The following GPATCH2 variants were observed in gnomAD, a reference collection of about 807,000 sequenced individuals.
The protein encoded by GPATCH2 is G-patch domain containing 2, also known as G patch domain-containing protein 2.
In GPATCH2, 51 loss-of-function variants were observed where a neutral mutation model predicts 58.0. That is an observed-to-expected ratio of 0.88 (90% CI 0.70 to 1.11). The LOEUF is 1.11. Among genes scored for constraint, GPATCH2 ranks in the 50% most tolerant of loss-of-function variants. The probability of loss-of-function intolerance (pLI) is 0.00; values close to 1 mark genes in which losing one functional copy is unlikely to be tolerated. For synonymous variants in GPATCH2, 222 were observed against 218.5 expected (o/e 1.02, Z -0.14); for missense variants, 625 against 652.2 (o/e 0.96, Z 0.45).
intron 5 of GPATCH2, among the ~76,000 whole-genome samples, chr1:217,604,708 C>T (rs1003488933): frequency 6.6e-6 from 1 of 152,084 alleles, no homozygotes; most frequent in African/African-American, 2.4e-5. Context: ...ATCAAGCGCC[C>T]TTATGTAAAT....
intron 7 of GPATCH2, chr1:217,492,437 T>G (rs746841170): frequency 6.6e-6 from 1 of 152,206 alleles, no homozygotes; most frequent in Non-Finnish European, 1.5e-5. Flanking sequence ...ATGTGCTCAC[T>G]CAAACTCTAG....
At chr1:217,590,547 T>C (rs1304383410) in intron 5 of GPATCH2, among the ~76,000 whole-genome samples, 3 of 152,226 alleles carry the variant, frequency 2.0e-5, no homozygotes, top group Non-Finnish European at 4.4e-5. Flanking sequence ...ATAGGGAAGA[T>C]GATATACACA....
intron 5 of GPATCH2, among the ~76,000 whole-genome samples, chr1:217,590,746 G>A (rs1272786538): frequency 2.0e-5 from 3 of 152,062 alleles, no homozygotes; most frequent in East Asian, 3.9e-4. Context: ...TTTGAACTTC[G>A]GACTCCTGAG....
intron 9 of GPATCH2, among the ~76,000 whole-genome samples, chr1:217,438,887 C>T (rs1010854988): frequency 3.0e-4 from 45 of 152,118 alleles, no homozygotes; most frequent in Non-Finnish European, 5.9e-4. Flanking sequence ...TCTTAGAGAC[C>T]TACAAAGAGA....
chr1:217,626,757 A>G (rs1424521578), intron 1 of GPATCH2, among the ~76,000 whole-genome samples: 1 of 152,138 alleles, frequency 6.6e-6, no homozygotes, highest in Admixed American at 6.6e-5. Flanking sequence ...GGCAGGCATT[A>G]TCTTAGGAAA....
chr1:217,543,659 T>A (rs188723982), intron 5 of GPATCH2, among the ~76,000 whole-genome samples: 39 of 152,302 alleles, frequency 2.6e-4, no homozygotes, highest in African/African-American at 8.7e-4. Context: ...TGAGAATAAT[T>A]AAGATGTTAC....
intron 5 of GPATCH2, among the ~76,000 whole-genome samples, chr1:217,576,008 T>C (rs1216191735): frequency 6.6e-6 from 1 of 152,148 alleles, no homozygotes; most frequent in Non-Finnish European, 1.5e-5. Flanking sequence ...AGTTGGTAGA[T>C]ATGTATTAAT....
chr1:217,518,761 T>G (rs1663305788), intron 5 of GPATCH2, among the ~76,000 whole-genome samples: 1 of 152,264 alleles, frequency 6.6e-6, no homozygotes, highest in African/African-American at 2.4e-5. Context: ...CCCTCTAGTA[T>G]AGCTGGTCCC....
At chr1:217,596,822 TTCTG>T (rs1292614012) in intron 5 of GPATCH2, among the ~76,000 whole-genome samples, 3 of 152,148 alleles carry the variant, frequency 2.0e-5, no homozygotes, top group South Asian at 2.1e-4. Context: ...ACTGGATACT[TTCTG>T]TCTATCTGAA....
chr1:217,495,797 C>T (rs10495059), intron 7 of GPATCH2, among the ~76,000 whole-genome samples: 16,263 of 152,040 alleles, frequency 0.11, 1,796 homozygotes, highest in African/African-American at 0.28. Context: ...ATAGAGAGTC[C>T]TCAATAGATA....
At chr1:217,615,469 T>C (rs1668840135) in intron 2 of GPATCH2, among the ~76,000 whole-genome samples, 1 of 152,112 alleles carries the variant, frequency 6.6e-6, no homozygotes, top group African/African-American at 2.4e-5. Context: ...TGCTCTTCTA[T>C]GCACTATAAT....
intron 8 of GPATCH2, among the ~76,000 whole-genome samples, chr1:217,467,033 T>C (rs1287433028): frequency 3.9e-5 from 6 of 151,996 alleles, no homozygotes; most frequent in African/African-American, 1.4e-4. Flanking sequence ...ATTAGCTACG[T>C]GTGGTGGCAC....
At chr1:217,618,221 C>CTTTTT (rs34863823) in intron 2 of GPATCH2, among the ~76,000 whole-genome samples, 1 of 124,762 alleles carries the variant, frequency 8.0e-6, no homozygotes, top group African/African-American at 3.0e-5. Context: ...CCTCTGGAAA[C>CTTTTT]TTTTTTTTTT....
chr1:217,485,961 C>A (rs114156963), intron 8 of GPATCH2, among the ~76,000 whole-genome samples: 21 of 152,132 alleles, frequency 1.4e-4, no homozygotes, highest in Admixed American at 1.4e-3. Flanking sequence ...CTTCAAATAA[C>A]GTAGTGTTAG....
intron 5 of GPATCH2, chr1:217,608,318 A>G: frequency 1.0e-6 from 1 of 984,088 alleles, no homozygotes; most frequent in Middle Eastern, 5.2e-4. Context: ...AGTTTTAAAT[A>G]CAAAAAACAT....
At chr1:217,571,796 G>A (rs182991253) in intron 5 of GPATCH2, among the ~76,000 whole-genome samples, 6 of 151,432 alleles carry the variant, frequency 4.0e-5, no homozygotes, top group African/African-American at 1.5e-4. Context: ...GGAAGGCTGA[G>A]GCACGAGAAT....
intron 5 of GPATCH2, among the ~76,000 whole-genome samples, chr1:217,572,220 T>C (rs976415591): frequency 2.0e-5 from 3 of 152,122 alleles, no homozygotes; most frequent in African/African-American, 4.8e-5. Flanking sequence ...AGTAGAAGAA[T>C]TAGAACTTAA....
At chr1:217,445,529 A>C (rs540408319) in intron 9 of GPATCH2, among the ~76,000 whole-genome samples, 6 of 151,986 alleles carry the variant, frequency 3.9e-5, no homozygotes, top group Non-Finnish European at 5.9e-5. Flanking sequence ...CTGCTGGCAA[A>C]CCTTCTTGCT....
intron 7 of GPATCH2, 112 bp from the exon 8 acceptor site, chr1:217,491,862 C>CT (rs34921892): frequency 0.018 from 6,144 of 332,322 alleles, 19 homozygotes; most frequent in East Asian, 0.042. Flanking sequence ...ATTTGCACGG[C>CT]TTTTTTTTTT....
Sources: gnomAD v4.1 joint callset for allele counts (sites outside exome capture counted in the v4.1 genomes callset) on GRCh38, gnomAD v4.1.1 for gene constraint, MANE v1.5 for transcripts, NCBI Gene and HGNC (gene_info 2026-07-23, HGNC 2026-07-21) for gene names.